The following SORCS1 variants were observed in gnomAD, a reference collection of about 807,000 sequenced individuals.
SORCS1 encodes the protein VPS10 domain-containing receptor SorCS1.
SORCS1 carries 60 observed loss-of-function variants against 146.1 expected under a neutral mutation model. The observed-to-expected ratio is 0.41, with a 90% confidence interval of 0.33 to 0.51. The LOEUF is 0.51. Ranked by LOEUF, SORCS1 falls within the 20% of genes least tolerant of loss-of-function variation. The pLI is 0.21. For synonymous variants in SORCS1, 637 were observed against 584.0 expected (o/e 1.09, Z -1.31); for missense variants, 1,352 against 1,487.6 (o/e 0.91, Z 1.50).
chr10:106,644,802 G>A (rs1482971987), intron 18 of SORCS1, among the ~76,000 whole-genome samples: 2 of 152,136 alleles, frequency 1.3e-5, no homozygotes, highest in African/African-American at 4.8e-5. Flanking sequence ...TATAGCTTTA[G>A]TTTGCTCTTT....
At chr10:106,725,790 G>A (rs1856110778) in intron 6 of SORCS1, among the ~76,000 whole-genome samples, 2 of 151,702 alleles carry the variant, frequency 1.3e-5, no homozygotes, top group South Asian at 4.2e-4. Flanking sequence ...AATTAGCCTG[G>A]TGTGGTGGTG....
At chr10:106,714,095 C>T (rs970292299) in intron 6 of SORCS1, among the ~76,000 whole-genome samples, 8 of 130,028 alleles carry the variant, frequency 6.2e-5, no homozygotes, top group Admixed American at 4.5e-4. Context: ...GGGATCACGG[C>T]ACTGCACTCC....
chr10:106,708,744 CT>C lies in SORCS1; in HGVS notation c.1143+478del, dbSNP rs1230119647. ...CTCTCCCCCTGGCCTCTGCCTCCCACTATCTCCAGCCACCCCACAGCTTCCC... is the reference window on the plus strand; with the variant it reads ...CTCTCCCCCTGGCCTCTGCCTCCCACATCTCCAGCCACCCCACAGCTTCCC... On this transcript the variant is annotated intron_variant, in intron 7 of 25. Transcript: ENST00000263054. Among the ~76,000 whole-genome samples the C allele has an allele frequency of 2.2e-3, 332 of 152,320 alleles. 2 individuals carry two copies. Among genetic ancestry groups the C allele is most frequent in the African/African-American group, 7.3e-3 (304 of 41,574 alleles).
intron 1 of SORCS1, among the ~76,000 whole-genome samples, chr10:107,036,562 G>A (rs767683244): frequency 6.6e-6 from 1 of 152,154 alleles, no homozygotes; most frequent in Non-Finnish European, 1.5e-5. Context: ...ACCAAGCCTA[G>A]AGGTGATCTC....
chr10:107,071,269 A>G (rs1232561160), intron 1 of SORCS1, among the ~76,000 whole-genome samples: 2 of 152,066 alleles, frequency 1.3e-5, no homozygotes, highest in African/African-American at 4.8e-5. Flanking sequence ...ATAATTCTCA[A>G]GCCTCTTCTT....
intron 3 of SORCS1, among the ~76,000 whole-genome samples, chr10:106,786,769 G>C (rs1170052629): frequency 6.6e-6 from 1 of 152,106 alleles, no homozygotes; most frequent in Non-Finnish European, 1.5e-5. Flanking sequence ...TTTAAAAATA[G>C]ATATGATAAA....
chr10:106,805,931 G>A (rs1282649128), intron 3 of SORCS1, among the ~76,000 whole-genome samples: 5 of 150,882 alleles, frequency 3.3e-5, no homozygotes, highest in African/African-American at 1.2e-4. Flanking sequence ...GTGGTGGCAG[G>A]TGCCTGTAGT....
chr10:106,835,912 G>A (rs1387482740), intron 2 of SORCS1, among the ~76,000 whole-genome samples: 8 of 151,988 alleles, frequency 5.3e-5, no homozygotes, highest in Admixed American at 5.2e-4. Context: ...GGCTGAGGCA[G>A]GAGAATCGCT....
chr10:107,012,498 A>G (rs1564924803), intron 1 of SORCS1, among the ~76,000 whole-genome samples: 3 of 152,182 alleles, frequency 2.0e-5, no homozygotes, highest in Non-Finnish European at 1.5e-5. Context: ...CTTTTTATAT[A>G]TTAACTTTTA....
chr10:106,628,151 A>G (rs1322729889), intron 19 of SORCS1, among the ~76,000 whole-genome samples: 2 of 152,228 alleles, frequency 1.3e-5, no homozygotes, highest in Non-Finnish European at 2.9e-5. Context: ...GTTTCTTTGA[A>G]GCACCTCTGC....
intron 3 of SORCS1, among the ~76,000 whole-genome samples, chr10:106,804,905 T>C (rs1347472292): frequency 6.6e-6 from 1 of 152,204 alleles, no homozygotes; most frequent in African/African-American, 2.4e-5. Context: ...TTCATTTATA[T>C]TTACTTTTGC....
chr10:107,103,125 T>G (rs958184592), intron 1 of SORCS1, among the ~76,000 whole-genome samples: 3 of 152,194 alleles, frequency 2.0e-5, no homozygotes, highest in Non-Finnish European at 4.4e-5. Context: ...TTTTATAAAT[T>G]TTTGAATTAT....
Position 107,085,950 on chromosome 10 carries a change from C to T in SORCS1, c.558+78019G>A, listed in dbSNP as rs139293753. ...CTTTTCCCCACTACCAAACAAATTT[C>T]CAAGCCGTATTGTTGAAAAGAATGC... is the stretch of plus-strand genomic sequence containing the variant. On this transcript the variant is annotated intron_variant, in intron 1 of 25. Coordinates refer to ENST00000263054, the MANE Select transcript of SORCS1 (RefSeq NM_052918.5). Among the ~76,000 whole-genome samples, 9 of 152,296 alleles carry T rather than the reference C, an allele frequency of 5.9e-5. No homozygotes were observed. In the East Asian group the frequency reaches 1.7e-3, roughly 29 times the overall value.
intron 1 of SORCS1, among the ~76,000 whole-genome samples, chr10:106,991,150 C>T (rs1427913218): frequency 1.3e-5 from 2 of 152,152 alleles, no homozygotes; most frequent in Admixed American, 6.5e-5. Flanking sequence ...CCATTGCCTT[C>T]GACTTACATT....
At chr10:107,160,710 C>T (rs1439463820) in intron 1 of SORCS1, among the ~76,000 whole-genome samples, 2 of 152,098 alleles carry the variant, frequency 1.3e-5, no homozygotes, top group African/African-American at 2.4e-5. Context: ...AACTTAACTC[C>T]GGCATAAAAA....
chr10:106,952,256 G>A (rs2138925263), intron 2 of SORCS1, among the ~76,000 whole-genome samples: 1 of 152,260 alleles, frequency 6.6e-6, no homozygotes, highest in East Asian at 1.9e-4. Flanking sequence ...GGCTTTCTGT[G>A]CAGTGACCAG....
At chr10:106,756,875 AT>A (rs1564935751) in intron 5 of SORCS1, among the ~76,000 whole-genome samples, 1 of 152,206 alleles carries the variant, frequency 6.6e-6, no homozygotes, top group African/African-American at 2.4e-5. Flanking sequence ...CATGAACCAG[AT>A]GCCTCCTTGC....
At chr10:107,070,836 C>T (rs913629087) in intron 1 of SORCS1, among the ~76,000 whole-genome samples, 2 of 152,056 alleles carry the variant, frequency 1.3e-5, no homozygotes, top group Non-Finnish European at 2.9e-5. Flanking sequence ...CAGACACACA[C>T]ATACATATAT....
At chr10:106,790,389 A>C (rs1281861943) in intron 3 of SORCS1, among the ~76,000 whole-genome samples, 1 of 152,224 alleles carries the variant, frequency 6.6e-6, no homozygotes, top group Non-Finnish European at 1.5e-5. Flanking sequence ...CTGGGAACTC[A>C]GTCTCAAATC....
Sources: gnomAD v4.1 joint callset for allele counts (sites outside exome capture counted in the v4.1 genomes callset) on GRCh38, gnomAD v4.1.1 for gene constraint, MANE v1.5 for transcripts, NCBI Gene and HGNC (gene_info 2026-07-23, HGNC 2026-07-21) for gene names.